TXNRD2: variants seen among roughly 807,000 people sequenced by gnomAD.
The protein encoded by TXNRD2 is thioredoxin reductase 2, also known as thioredoxin reductase 2, mitochondrial.
TXNRD2 carries 67 observed loss-of-function variants against 70.8 expected under a neutral mutation model. The ratio of observed to expected loss-of-function variants is 0.95; its 90% CI spans 0.78 to 1.16. The LOEUF (loss-of-function observed/expected upper bound fraction) is 1.16, where lower values mean the gene tolerates loss of function less well. Ranked by LOEUF, TXNRD2 falls within the 50% of genes most tolerant of loss-of-function variation. The pLI is 0.00. For missense variants in TXNRD2, 644 were observed against 719.9 expected, an observed-to-expected ratio of 0.89 and a Z score of 1.21; for synonymous variants, 301 against 295.8, an observed-to-expected ratio of 1.02 and a Z score of -0.18.
At chr22:19,925,022 C>A (rs377444062) in intron 2 of TXNRD2, among the ~76,000 whole-genome samples, 3 of 150,948 alleles carry the variant, frequency 2.0e-5, no homozygotes, top group Admixed American at 6.6e-5. Context: ...TGGTGGCTCA[C>A]GCCTGTAATC....
intron 1 of TXNRD2, 31 bp downstream of exon 1, chr22:19,941,670 C>A: frequency 6.9e-7 from 1 of 1,453,912 alleles, no homozygotes; most frequent in South Asian, 1.3e-5. Flanking sequence ...GCGCGGACAC[C>A]TACCGCGGGG....
chr22:19,916,108 A>C, intron 5 of TXNRD2: 1 of 449,224 alleles, frequency 2.2e-6, no homozygotes. Context: ...CACGGTCCTA[A>C]GAGGCCACGT....
chr22:19,928,271 A>G (rs1941227138), intron 2 of TXNRD2, among the ~76,000 whole-genome samples: 1 of 152,242 alleles, frequency 6.6e-6, no homozygotes, highest in South Asian at 2.1e-4. Context: ...ACACACAGAC[A>G]GACGTTCACA....
At chr22:19,880,779 G>A (rs1938739623) in intron 12 of TXNRD2, 62 bp from the exon 13 acceptor site, 1 of 1,222,272 alleles carries the variant, frequency 8.2e-7, no homozygotes, top group Non-Finnish European at 1.2e-6. Flanking sequence ...CAGCCCCTAT[G>A]CCATCACCCT....
At position 19,895,138 on chromosome 22, in the gene TXNRD2, C is replaced by A; in HGVS notation, c.949+269G>T. 1.9e-6 allele frequency: 3 copies of A among 1,598,476 alleles called. 1 individual carries two copies. In the South Asian group the frequency reaches 3.3e-5, roughly 18 times the overall value. On this transcript the variant is annotated intron_variant, in intron 11 of 17. Transcript: ENST00000400521. The stretch of plus-strand genomic sequence containing the variant: ...GACACCTGGCTGATGCCGTCTCAGT[C>A]TCTTCTCTGGTTTTTTCCAGCATGT...
chr22:19,916,039 C>G, intron 5 of TXNRD2, 196 bp from the exon 6 acceptor site: 3 of 579,672 alleles, frequency 5.2e-6, no homozygotes, highest in Non-Finnish European at 9.3e-6. Flanking sequence ...GCCTGTCCCC[C>G]AGGGATCCCA....
intron 16 of TXNRD2, 32 bp downstream of exon 16, chr22:19,878,058 T>A (rs375246574): frequency 1.2e-4 from 194 of 1,573,774 alleles, no homozygotes; most frequent in Non-Finnish European, 1.6e-4. Context: ...CAGCTGCACA[T>A]CGCATCGCAG....
intron 1 of TXNRD2, chr22:19,932,697 T>C: frequency 2.7e-6 from 2 of 739,288 alleles, no homozygotes; most frequent in Non-Finnish European, 3.8e-6. Context: ...TCAGCCCCTC[T>C]GCAGACACGA....
intron 2 of TXNRD2, among the ~76,000 whole-genome samples, chr22:19,926,713 C>T (rs5748477): frequency 3.2e-4 from 49 of 151,570 alleles, no homozygotes; most frequent in Non-Finnish European, 6.3e-4. Context: ...CCCGAGAGGC[C>T]GAGGTTGCAG....
intron 10 of TXNRD2, among the ~76,000 whole-genome samples, chr22:19,896,771 G>C (rs545654693): frequency 1.3e-5 from 2 of 152,348 alleles, no homozygotes; most frequent in Admixed American, 1.3e-4. Context: ...CACCTGTGCG[G>C]GTGTGCCAGC....
chr22:19,917,085 CG>C (rs1320701193), intron 5 of TXNRD2, among the ~76,000 whole-genome samples: 1 of 152,200 alleles, frequency 6.6e-6, no homozygotes, highest in Non-Finnish European at 1.5e-5. Flanking sequence ...GAAGCTGCCA[CG>C]GGACACAGCC....
At chr22:19,907,066 A>G (rs1410443040) in intron 8 of TXNRD2, among the ~76,000 whole-genome samples, 165 of 42,558 alleles carry the variant, frequency 3.9e-3, no homozygotes, top group South Asian at 7.8e-3. Flanking sequence ...GGCGCCGTGG[A>G]TAGCAGTGAC....
At chr22:19,878,025 A>G in intron 16 of TXNRD2, 65 bp downstream of exon 16, 1 of 1,351,116 alleles carries the variant, frequency 7.4e-7, no homozygotes, top group Admixed American at 1.8e-5. Flanking sequence ...CCACTGTAGG[A>G]CTGCCGGCAC....
rs371075332 is a variant in TXNRD2 at position 19,895,522 on chromosome 22, G to A, written c.834C>T (p.Gly278=). The change falls in exon 11 of 18, where the codon GGC becomes GGT. Residue 278 remains glycine, a synonymous_variant. Transcript: ENST00000400521. ...MASHGTRFLR[G]CAPSRVRRLP... Reference sequence around the variant, plus strand: ...GCCTCCTGACCCGCGAGGGGGCACAGCCCCTCAGGAACCGGGTGCCATGAG... The same window carrying A: ...GCCTCCTGACCCGCGAGGGGGCACAACCCCTCAGGAACCGGGTGCCATGAG... 3.1e-6 allele frequency: 5 copies of A among 1,613,756 alleles called. No homozygotes were observed. In the East Asian group the frequency reaches 1.1e-4, roughly 36 times the overall value.
chr22:19,905,738 G>A (rs781332659), intron 8 of TXNRD2, among the ~76,000 whole-genome samples: 14 of 152,194 alleles, frequency 9.2e-5, no homozygotes, highest in African/African-American at 2.4e-4. Flanking sequence ...AGAAGCCTAC[G>A]TGAAAGACAA....
At chr22:19,930,594 AG>A (rs1941319586) in intron 2 of TXNRD2, among the ~76,000 whole-genome samples, 1 of 152,164 alleles carries the variant, frequency 6.6e-6, no homozygotes, top group Non-Finnish European at 1.5e-5. Flanking sequence ...GAACAAGGAC[AG>A]GGACAAGCAG....
intron 2 of TXNRD2, among the ~76,000 whole-genome samples, chr22:19,923,661 GTGTGGT>G: frequency 2.0e-5 from 3 of 152,242 alleles, no homozygotes; most frequent in South Asian, 2.1e-4. Context: ...AATTAGCCAG[GTGTGGT>G]GGTGGGCGCC....
intron 8 of TXNRD2, among the ~76,000 whole-genome samples, chr22:19,903,218 T>C (rs1239941720): frequency 6.6e-6 from 1 of 152,216 alleles, no homozygotes; most frequent in African/African-American, 2.4e-5. Context: ...CACGGGGACC[T>C]GGGCAGGGGC....
intron 11 of TXNRD2, among the ~76,000 whole-genome samples, chr22:19,886,249 G>A (rs920970917): frequency 1.3e-5 from 2 of 152,248 alleles, no homozygotes; most frequent in African/African-American, 2.4e-5. Flanking sequence ...CAGGGAAGAG[G>A]CCAGCTCCAC....
Sources: allele counts gnomAD v4.1 joint callset (sites outside exome capture counted in the v4.1 genomes callset), GRCh38; gene constraint gnomAD v4.1.1; transcripts MANE v1.5; gene names NCBI Gene and HGNC (gene_info 2026-07-23, HGNC 2026-07-21).